The following CYP20A1 variants were observed in gnomAD, a reference collection of about 807,000 sequenced individuals.
CYP20A1 encodes the protein cytochrome P450 20A1.
A neutral mutation model predicts 61.4 loss-of-function variants in CYP20A1; 61 were observed. That is an observed-to-expected ratio of 0.99 (90% CI 0.81 to 1.23). The LOEUF (loss-of-function observed/expected upper bound fraction) is 1.23. CYP20A1 is among the 50% of genes most tolerant of loss of function. The pLI, the probability that CYP20A1 is intolerant of heterozygous loss-of-function variation, is 0.00. For missense variants in CYP20A1, 530 were observed against 542.4 expected (o/e 0.98, Z 0.23); for synonymous variants, 193 against 188.2 (o/e 1.03, Z -0.21).
intron 4 of CYP20A1, among the ~76,000 whole-genome samples, chr2:203,263,281 G>A (rs1394012250): frequency 1.1e-4 from 15 of 140,398 alleles, no homozygotes; most frequent in Non-Finnish European, 1.8e-4. Flanking sequence ...GAGCCACTGC[G>A]CCTGGCTTTT....
At chr2:203,271,975 C>T (rs556006155) in intron 5 of CYP20A1, among the ~76,000 whole-genome samples, 4 of 151,772 alleles carry the variant, frequency 2.6e-5, no homozygotes, top group African/African-American at 4.8e-5. Context: ...TGCAGTCAGC[C>T]GAGATCACAC....
chr2:203,248,751 A>G (rs2066552875), intron 3 of CYP20A1, among the ~76,000 whole-genome samples: 1 of 152,160 alleles, frequency 6.6e-6, no homozygotes, highest in South Asian at 2.1e-4. Context: ...GCTTTTGCCC[A>G]GGCTAGAGTG....
chr2:203,249,193 A>G (rs542279836), intron 3 of CYP20A1, among the ~76,000 whole-genome samples: 1 of 152,386 alleles, frequency 6.6e-6, no homozygotes, highest in East Asian at 1.9e-4. Flanking sequence ...AAATCTGTCT[A>G]CATAAAAATG....
intron 8 of CYP20A1, among the ~76,000 whole-genome samples, chr2:203,284,871 A>G (rs2068201651): frequency 6.7e-6 from 1 of 149,414 alleles, no homozygotes; most frequent in Admixed American, 6.8e-5. Context: ...TCAGTCTCCC[A>G]AGTAGCTGGG....
intron 4 of CYP20A1, among the ~76,000 whole-genome samples, chr2:203,264,140 C>T (rs1171190678): frequency 6.6e-6 from 1 of 152,018 alleles, no homozygotes; most frequent in East Asian, 1.9e-4. Context: ...GTGTGCACCC[C>T]ATGCCTAGCT....
chr2:203,248,255 C>T (rs538064285), intron 3 of CYP20A1, among the ~76,000 whole-genome samples: 73 of 152,170 alleles, frequency 4.8e-4, no homozygotes, highest in Middle Eastern at 3.4e-3. Flanking sequence ...ATCTCCTGGC[C>T]GGGCGTGATG....
chr2:203,294,046 T>TA (rs1449316565), intron 11 of CYP20A1, among the ~76,000 whole-genome samples: 1 of 151,964 alleles, frequency 6.6e-6, no homozygotes, highest in Non-Finnish European at 1.5e-5. Context: ...TGCAGTGATG[T>TA]AAACACAGGC....
At chr2:203,244,272 G>A (rs1454932774) in intron 1 of CYP20A1, among the ~76,000 whole-genome samples, 4 of 152,046 alleles carry the variant, frequency 2.6e-5, no homozygotes, top group Admixed American at 6.6e-5. Flanking sequence ...TGCAATCACA[G>A]CTCACTGCAA....
rs138703629 is a variant in CYP20A1, at chr2:203,246,815, G to T, written c.183G>T (p.Leu61Phe). 5.1e-5 allele frequency: 83 copies of T among 1,614,036 alleles called. No homozygotes were observed. The highest frequency in any genetic ancestry group is 6.6e-5 in the Non-Finnish European group (78 of 1,180,044). Reference protein sequence around the residue: ...SGSLHEFLVNLHERYGPVVSF... With the variant: ...SGSLHEFLVNFHERYGPVVSF... ...GTTTGCATGAGTTCCTGGTTAATTT[G>T]CATGAGAGATATGGGCCTGTGGTCT... Residue 61 changes from leucine (L) to phenylalanine (F), a missense_variant, in exon 3 of 13, where the codon TTG becomes TTT. Physicochemically the swap from Leu to Phe is conservative, Grantham distance 22 (BLOSUM62 0). Transcript: ENST00000356079.
At chr2:203,285,279 A>G (rs1483455329) in intron 8 of CYP20A1, among the ~76,000 whole-genome samples, 1 of 152,212 alleles carries the variant, frequency 6.6e-6, no homozygotes, top group Non-Finnish European at 1.5e-5. Flanking sequence ...AACAGCCAAC[A>G]TTGAGCACTC....
intron 1 of CYP20A1, among the ~76,000 whole-genome samples, chr2:203,244,236 C>G (rs1043892234): frequency 1.3e-5 from 2 of 152,068 alleles, no homozygotes; most frequent in African/African-American, 2.4e-5. Flanking sequence ...GAGTCTGACT[C>G]TGTCATCCAG....
chr2:203,239,141 G>A lies in CYP20A1; in HGVS notation c.72+7G>A, dbSNP rs756833063. 10 of 1,611,472 alleles carry A rather than the reference G, an allele frequency of 6.2e-6. No homozygotes were observed. The East Asian group carries it at 2.0e-4, about 32-fold the overall frequency. On this transcript the variant is annotated splice_region_variant and intron_variant, in intron 1 of 12. Coordinates refer to ENST00000356079, the MANE Select transcript of CYP20A1 (RefSeq NM_177538.3). Reference sequence around the variant, plus strand: ...CGTGCTCTACCTCTATCCGGTGAGCGCCGTCTTGGCTCTCTGGGGCCCCGG... The same window carrying A: ...CGTGCTCTACCTCTATCCGGTGAGCACCGTCTTGGCTCTCTGGGGCCCCGG...
chr2:203,288,599 T>A (rs1172669177), intron 9 of CYP20A1, among the ~76,000 whole-genome samples: 1 of 152,206 alleles, frequency 6.6e-6, no homozygotes, highest in Non-Finnish European at 1.5e-5. Flanking sequence ...ATGCAGCAGG[T>A]ACGCAATAAA....
Position 203,262,700 on chromosome 2 carries a change from T to G in CYP20A1, c.433-3814T>G, listed in dbSNP as rs568024621. Among the ~76,000 whole-genome samples, 307 of 150,380 alleles carry G rather than the reference T, an allele frequency of 2.0e-3. 2 individuals carry two copies. The highest frequency in any genetic ancestry group is 6.9e-3 in the African/African-American group (285 of 41,030). ...TGTTGTTGTTGTTGTTTGTTTTTTGTTTTTTTTTGAGACGGAGTCTTACTC... is the reference window on the plus strand; with the variant it reads ...TGTTGTTGTTGTTGTTTGTTTTTTGGTTTTTTTTGAGACGGAGTCTTACTC... On this transcript the variant is annotated intron_variant, in intron 4 of 12. Coordinates refer to ENST00000356079, the MANE Select transcript of CYP20A1 (RefSeq NM_177538.3).
chr2:203,258,496 C>G (rs1045208276), intron 4 of CYP20A1, among the ~76,000 whole-genome samples: 7 of 151,918 alleles, frequency 4.6e-5, no homozygotes, highest in Non-Finnish European at 8.8e-5. Flanking sequence ...GACTGACTTT[C>G]TCAGTCCACT....
intron 4 of CYP20A1, among the ~76,000 whole-genome samples, chr2:203,259,420 G>A (rs2067042863): frequency 6.6e-6 from 1 of 152,068 alleles, no homozygotes; most frequent in African/African-American, 2.4e-5. Context: ...TCACGGTAGT[G>A]AATTCTTGTG....
At chr2:203,262,173 A>G (rs1351701966) in intron 4 of CYP20A1, among the ~76,000 whole-genome samples, 1 of 152,240 alleles carries the variant, frequency 6.6e-6, no homozygotes, top group African/African-American at 2.4e-5. Context: ...CAGGTGGCAA[A>G]GGAAAAATAT....
intron 5 of CYP20A1, among the ~76,000 whole-genome samples, chr2:203,269,848 C>T (rs1311235514): frequency 2.6e-5 from 4 of 152,130 alleles, no homozygotes; most frequent in African/African-American, 9.7e-5. Context: ...AGGCTGGTCT[C>T]GAACTCCTGA....
intron 3 of CYP20A1, among the ~76,000 whole-genome samples, chr2:203,250,355 G>A (rs1376693653): frequency 6.6e-6 from 1 of 152,150 alleles, no homozygotes; most frequent in African/African-American, 2.4e-5. Context: ...ACTTCATGAA[G>A]AAGGTATTAT....
Sources: allele counts gnomAD v4.1 joint callset (sites outside exome capture counted in the v4.1 genomes callset), GRCh38; gene constraint gnomAD v4.1.1; transcripts MANE v1.5; gene names NCBI Gene and HGNC (gene_info 2026-07-23, HGNC 2026-07-21).